Variants in DNAH17 observed in about 807,000 individuals in gnomAD.
DNAH17 encodes dynein axonemal heavy chain 17, also known as axonemal beta dynein heavy chain 17.
DNAH17 carries 376 observed loss-of-function variants against 485.6 expected under a neutral mutation model. The observed-to-expected ratio is 0.77, with a 90% confidence interval of 0.71 to 0.84. DNAH17 has a LOEUF of 0.84. Among genes scored for constraint, DNAH17 ranks in the 40% least tolerant of loss-of-function variants. The pLI, the probability that DNAH17 is intolerant of heterozygous loss-of-function variation, is 0.00. For missense variants in DNAH17, 6,370 were observed against 5,839.3 expected (o/e 1.09, Z -2.96); for synonymous variants, 3,031 against 2,405.9 (o/e 1.26, Z -7.60).
chr17:78,492,762 G>C lies in DNAH17; in HGVS notation c.6412C>G (p.Leu2138Val), dbSNP rs368904478. The change falls in exon 42 of 81, where the codon CTC becomes GTC. Residue 2138 changes from leucine (L) to valine (V), a missense_variant. Transcript: ENST00000389840. ...GNAGSGKSQV[L>V]KSLNKTYQNL... ...TGATAGGTCTTGTTGAGGGATTTGA[G>C]GACCTGGCGAAGGTGGGGGTCACTC... The C allele has an allele frequency of 6.8e-6, 11 of 1,610,766 alleles. No homozygotes were observed. The highest frequency in any genetic ancestry group is 9.3e-6 in the Non-Finnish European group (11 of 1,178,510).
chr17:78,569,953 C>T (rs569747362), intron 7 of DNAH17, among the ~76,000 whole-genome samples: 9 of 152,212 alleles, frequency 5.9e-5, no homozygotes, highest in Non-Finnish European at 1.2e-4. Flanking sequence ...GTTTGATGTG[C>T]GATTAGAGAA....
At chr17:78,574,625 G>T in intron 2 of DNAH17, 88 bp downstream of exon 2, 1 of 1,183,482 alleles carries the variant, frequency 8.4e-7, no homozygotes. Context: ...GCTGGCCCAG[G>T]GACTCCAGGC....
Position 78,468,728 on chromosome 17 carries a change from C to T in DNAH17, c.8667G>A (p.Glu2889=). ...GEIPGLFMED[E]VENIISSMRP... ...GCATGGAGGAGATGATGTTCTCCACCTCGTCCTCCATAAACAGCCCAGGGA... is the reference window on the plus strand; with the variant it reads ...GCATGGAGGAGATGATGTTCTCCACTTCGTCCTCCATAAACAGCCCAGGGA... Residue 2889 remains glutamate (E), a synonymous_variant, in exon 55 of 81, where the codon GAG becomes GAA. Transcript: ENST00000389840. 1.2e-6 allele frequency: 2 copies of T among 1,614,026 alleles called. No homozygotes were observed. The highest frequency in any genetic ancestry group is 2.2e-5 in the East Asian group (1 of 44,892).
At chr17:78,546,060 G>T (rs1223750654) in intron 16 of DNAH17, among the ~76,000 whole-genome samples, 3 of 151,630 alleles carry the variant, frequency 2.0e-5, no homozygotes, top group Non-Finnish European at 4.4e-5. Context: ...CTGCAGCCTC[G>T]ACCTCCCAGG....
intron 44 of DNAH17, among the ~76,000 whole-genome samples, chr17:78,487,884 T>C (rs905350594): frequency 1.3e-5 from 2 of 152,082 alleles, no homozygotes; most frequent in Non-Finnish European, 2.9e-5. Context: ...TGAACCTCTA[T>C]CACAAGAGAG....
In DNAH17 at chr17:78,501,880, G is replaced by T. The variant is rs751635564; in HGVS notation, c.5191-7C>A. ...GTACGTTCAGCTGGCTAATCTGCGG[G>T]GGAGAGTGCCTTCGATGAGACACCA... On this transcript the variant is annotated splice_region_variant and splice_polypyrimidine_tract_variant and intron_variant, in intron 33 of 80. Coordinates refer to ENST00000389840, the MANE Select transcript of DNAH17 (RefSeq NM_173628.4). 5 of 1,613,816 alleles carry T rather than the reference G, an allele frequency of 3.1e-6. No homozygotes were observed. In the African/African-American group the frequency reaches 5.3e-5, roughly 17 times the overall value.
At chr17:78,571,836 C>CA in intron 3 of DNAH17, 54 bp from the exon 4 acceptor site, 1 of 1,492,204 alleles carries the variant, frequency 6.7e-7, no homozygotes, top group Non-Finnish European at 9.0e-7. Flanking sequence ...ACGTGGGTCC[C>CA]ACCAAGCTCT....
At chr17:78,530,833 C>T (rs772000858) in intron 20 of DNAH17, among the ~76,000 whole-genome samples, 3 of 152,200 alleles carry the variant, frequency 2.0e-5, no homozygotes, top group Non-Finnish European at 4.4e-5. Flanking sequence ...TCCTAAAGGG[C>T]ATCCCTAGCT....
At chr17:78,572,262 G>C (rs992951617) in intron 3 of DNAH17, among the ~76,000 whole-genome samples, 5 of 108,800 alleles carry the variant, frequency 4.6e-5, no homozygotes, top group Non-Finnish European at 7.6e-5. Context: ...GGCTTCCCAG[G>C]GCCTCTGGGG....
intron 17 of DNAH17, among the ~76,000 whole-genome samples, chr17:78,540,659 T>G (rs1445613309): frequency 1.0e-5 from 1 of 99,308 alleles, no homozygotes; most frequent in Non-Finnish European, 2.0e-5. Flanking sequence ...ACGGGGTGGG[T>G]AGATGTATGA....
rs2090855495 is a variant in DNAH17, at chr17:78,518,756, A to AT, written c.3865-3735dup. ...GACAGACTATATCCTGATCCATAAA[A>AT]TAAAGCTTAATACATTTAAAATAAT... On this transcript the variant is annotated intron_variant, in intron 25 of 80. Transcript: ENST00000389840. Among the ~76,000 whole-genome samples the AT allele has an allele frequency of 3.3e-5, 5 of 152,246 alleles. No homozygotes were observed. In the South Asian group the frequency reaches 1.0e-3, roughly 32 times the overall value.
intron 37 of DNAH17, chr17:78,496,622 G>A (rs2090080733): frequency 7.0e-6 from 1 of 142,964 alleles, no homozygotes; most frequent in South Asian, 2.3e-4. Context: ...TTTCATGGAT[G>A]TTATATAAGT....
intron 19 of DNAH17, 114 bp downstream of exon 19, chr17:78,537,177 CAAAAAAAA>C: frequency 1.2e-6 from 1 of 837,720 alleles, no homozygotes; most frequent in Non-Finnish European, 1.6e-6. Flanking sequence ...GATTCCGTCT[CAAAAAAAA>C]AAAAAGAAAA....
In DNAH17 at chr17:78,455,810, T is replaced by G; in HGVS notation, c.10004A>C (p.Asn3335Thr). ...NRLVGGLASE[N>T]IRWAESVENF... is the part of the protein sequence containing the mutation. ...CTCCACAGACTCAGCCCAGCGGATG[T>G]TTTCCGATGCTAATCCCCCGACCAG... The change falls in exon 63 of 81, where the codon AAC becomes ACC. Residue 3335 changes from asparagine (N) to threonine (T), a missense_variant. Transcript: ENST00000389840. The G allele has an allele frequency of 6.2e-7, 1 of 1,605,728 alleles. No individual in the cohort carries two copies. Among genetic ancestry groups the G allele is most frequent in the Non-Finnish European group, 8.5e-7 (1 of 1,176,294 alleles).
At chr17:78,460,840 C>G (rs1363048544) in intron 58 of DNAH17, among the ~76,000 whole-genome samples, 2 of 152,162 alleles carry the variant, frequency 1.3e-5, no homozygotes, top group Non-Finnish European at 2.9e-5. Context: ...ATAGCTCACA[C>G]CCCTCTAAGA....
chr17:78,527,127 A>T, intron 22 of DNAH17, 131 bp from the exon 23 acceptor site: 3 of 685,328 alleles, frequency 4.4e-6, no homozygotes, highest in Non-Finnish European at 4.8e-6. Context: ...TCACACCTGT[A>T]ATCTCAGCAC....
At chr17:78,568,449 G>A (rs1225087227) in intron 9 of DNAH17, among the ~76,000 whole-genome samples, 1 of 152,110 alleles carries the variant, frequency 6.6e-6, no homozygotes, top group Non-Finnish European at 1.5e-5. Context: ...CCTTTTTTAA[G>A]GATGTGAGTT....
At chr17:78,551,845 C>T (rs1440389363) in intron 15 of DNAH17, among the ~76,000 whole-genome samples, 1 of 151,988 alleles carries the variant, frequency 6.6e-6, no homozygotes, top group Non-Finnish European at 1.5e-5. Flanking sequence ...CACCTGTAAT[C>T]CCAGCTACTC....
intron 25 of DNAH17, among the ~76,000 whole-genome samples, chr17:78,521,479 T>C (rs1411867951): frequency 6.6e-6 from 1 of 152,012 alleles, no homozygotes; most frequent in Admixed American, 6.6e-5. Flanking sequence ...TAGACATCCA[T>C]AAACAAACAA....
Sources: gnomAD v4.1 joint callset for allele counts (sites outside exome capture counted in the v4.1 genomes callset) on GRCh38, gnomAD v4.1.1 for gene constraint, MANE v1.5 for transcripts, NCBI Gene and HGNC (gene_info 2026-07-23, HGNC 2026-07-21) for gene names.